Variants in PKP2 observed in about 807,000 individuals in gnomAD.
The protein encoded by PKP2 is plakophilin 2.
A neutral mutation model predicts 83.4 loss-of-function variants in PKP2; 73 were observed. That is an observed-to-expected ratio of 0.88 (90% CI 0.72 to 1.06). The LOEUF is 1.06. PKP2 is among the 50% of genes least tolerant of loss of function. The probability of loss-of-function intolerance (pLI) is 0.00; values close to 1 mark genes in which losing one functional copy is unlikely to be tolerated. For synonymous variants in PKP2, 409 were observed against 430.4 expected, an observed-to-expected ratio of 0.95 and a Z score of 0.62; for missense variants, 966 against 1,065.4, an observed-to-expected ratio of 0.91 and a Z score of 1.30.
At chr12:32,798,307 T>G (rs571784058) in intron 10 of PKP2, among the ~76,000 whole-genome samples, 4 of 151,668 alleles carry the variant, frequency 2.6e-5, no homozygotes, top group Non-Finnish European at 4.4e-5. Flanking sequence ...TTGAGGCTGG[T>G]CTCGAACTCC....
chr12:32,851,136 AT>A (rs1956693636), intron 4 of PKP2, among the ~76,000 whole-genome samples, 163 bp from the exon 5 acceptor site: 1 of 152,258 alleles, frequency 6.6e-6, no homozygotes, highest in East Asian at 1.9e-4. Context: ...TACCCCGGCT[AT>A]AAGGCAGTAT....
Position 32,896,373 on chromosome 12 carries a change from AT to A in PKP2, c.223+135del. The A allele has an allele frequency of 4.8e-6, 3 of 619,272 alleles. No individual in the cohort carries two copies. The South Asian group carries it at 7.0e-5, about 14-fold the overall frequency. The allele number at this position is 619,272 out of a possible 1,614,324, so 38.4% of individuals were successfully genotyped here. A position where few individuals can be genotyped will look rare whatever the true frequency, so the allele number is the denominator to read the frequency against. On this transcript the variant is annotated intron_variant, in intron 1 of 12. Transcript: ENST00000340811. Reference sequence around the variant, plus strand: ...AGTGCTTTCCACAAGCAAGTCGGTCATACCGAAGACGGCGAGCAACAGGTGG... The same window carrying A: ...AGTGCTTTCCACAAGCAAGTCGGTCAACCGAAGACGGCGAGCAACAGGTGG...
intron 4 of PKP2, among the ~76,000 whole-genome samples, chr12:32,867,538 A>G (rs1229548956): frequency 6.6e-6 from 1 of 152,226 alleles, no homozygotes; most frequent in South Asian, 2.1e-4. Context: ...AAATCAACCA[A>G]CAAAACTGAT....
At chr12:32,855,835 C>T (rs530738443) in intron 4 of PKP2, among the ~76,000 whole-genome samples, 2 of 142,630 alleles carry the variant, frequency 1.4e-5, no homozygotes, top group African/African-American at 5.3e-5. Flanking sequence ...TAAACACAGG[C>T]AAAAAGGAAA....
intron 4 of PKP2, among the ~76,000 whole-genome samples, chr12:32,854,214 A>G (rs2137874623): frequency 6.6e-6 from 1 of 152,330 alleles, no homozygotes; most frequent in Non-Finnish European, 1.5e-5. Context: ...GGCATACGGA[A>G]GCCTCCCCAG....
chr12:32,872,618 C>T (rs1956904250), intron 3 of PKP2, among the ~76,000 whole-genome samples: 1 of 152,314 alleles, frequency 6.6e-6, no homozygotes, highest in South Asian at 2.1e-4. Flanking sequence ...ACTAACAACA[C>T]AGCCCTGCCC....
Position 32,878,100 on chromosome 12 carries a change from G to C in PKP2, c.780C>G (p.Asn260Lys). The change falls in exon 3 of 13, where the codon AAC becomes AAG. Residue 260 changes from asparagine (N) to lysine (K), a missense_variant. Asn to Lys is a moderately conservative substitution (Grantham distance 94). Coordinates refer to ENST00000340811, the MANE Select transcript of PKP2 (RefSeq NM_001005242.3). ...RSMGNLLEKE[N>K]YLTAGLTVGQ... ...CGACAGTGAGCCCTGCCGTCAGGTA[G>C]TTCTCCTTCTCCAAGAGGTTGCCCA... 1 of 1,614,250 alleles carries C rather than the reference G, an allele frequency of 6.2e-7. No homozygotes were observed. The highest frequency in any genetic ancestry group is 1.3e-5 in the African/African-American group (1 of 75,078).
chr12:32,869,341 AT>A (rs1488044783), intron 3 of PKP2, among the ~76,000 whole-genome samples: 1 of 152,100 alleles, frequency 6.6e-6, no homozygotes, highest in African/African-American at 2.4e-5. Flanking sequence ...TTAAAAATAA[AT>A]ATGAGGCTGA....
chr12:32,858,132 A>AT (rs1555146139), intron 4 of PKP2, among the ~76,000 whole-genome samples: 13 of 98,312 alleles, frequency 1.3e-4, no homozygotes, highest in African/African-American at 5.5e-4. Context: ...TATATTTTAT[A>AT]TTTATATATA....
At chr12:32,816,130 A>AC (rs1956316569) in intron 9 of PKP2, among the ~76,000 whole-genome samples, 1 of 152,202 alleles carries the variant, frequency 6.6e-6, no homozygotes, top group Non-Finnish European at 1.5e-5. Flanking sequence ...CAGGTTTGTG[A>AC]CACGGGTATA....
intron 6 of PKP2, among the ~76,000 whole-genome samples, chr12:32,831,583 G>A (rs900387572): frequency 1.3e-5 from 2 of 151,852 alleles, no homozygotes; most frequent in Non-Finnish European, 2.9e-5. Context: ...TTGATATAAT[G>A]AGTAAAAATT....
chr12:32,873,980 C>T (rs1314916942), intron 3 of PKP2, among the ~76,000 whole-genome samples: 1 of 152,088 alleles, frequency 6.6e-6, no homozygotes, highest in Non-Finnish European at 1.5e-5. Context: ...AAACCTTTTT[C>T]ATCAGTTTGA....
At chr12:32,797,906 C>T (rs927502483) in intron 10 of PKP2, among the ~76,000 whole-genome samples, 1 of 151,700 alleles carries the variant, frequency 6.6e-6, no homozygotes, top group African/African-American at 2.4e-5. Context: ...TCTGTAATCC[C>T]AGCACTTTAG....
chr12:32,877,922 T>C lies in PKP2; in HGVS notation c.958A>G (p.Thr320Ala), dbSNP rs879225885. The C allele has an allele frequency of 1.2e-6, 2 of 1,614,006 alleles. No homozygotes were observed. Among genetic ancestry groups the C allele is most frequent in the African/African-American group, 2.7e-5 (2 of 74,910 alleles). The change falls in exon 3 of 13, where the codon ACT (threonine) becomes GCT (alanine). Residue 320 changes from threonine (T) to alanine (A), a missense_variant. Thr to Ala is a moderately conservative substitution (Grantham distance 58). Coordinates refer to ENST00000340811, the MANE Select transcript of PKP2 (RefSeq NM_001005242.3). Reference protein sequence around the residue: ...VDSSGRRAHLTVGQAAAGGSG... With the variant: ...VDSSGRRAHLAVGQAAAGGSG... The stretch of plus-strand genomic sequence containing the variant: ...CCCCCTGCGGCCGCCTGGCCGACAG[T>C]CAAGTGCGCTCTCCTCCCGCTGGAA...
In PKP2 at chr12:32,862,762, T is replaced by C. The variant is rs117143664; in HGVS notation, c.1170+6165A>G. Among the ~76,000 whole-genome samples the C allele has an allele frequency of 6.7e-3, 1,025 of 152,114 alleles. 76 individuals are homozygous for C. In the East Asian group the frequency reaches 0.16, roughly 23 times the overall value. On this transcript the variant is annotated intron_variant, in intron 4 of 12. Coordinates refer to ENST00000340811, the MANE Select transcript of PKP2 (RefSeq NM_001005242.3). ...TCAGGAGGACCCAAGTGGATCACTT[T>C]GAGAGGCGGGTGGATCCCTTGAGGT... is the stretch of plus-strand genomic sequence containing the variant.
intron 2 of PKP2, 29 bp from the exon 3 acceptor site, chr12:32,878,572 G>A (rs1344158204): frequency 6.4e-7 from 1 of 1,565,744 alleles, no homozygotes; most frequent in Non-Finnish European, 8.7e-7. Context: ...AAGTTTAAAG[G>A]GGGCATAAAT....
intron 6 of PKP2, among the ~76,000 whole-genome samples, chr12:32,830,381 G>T (rs995514201): frequency 3.3e-5 from 5 of 152,196 alleles, no homozygotes; most frequent in Admixed American, 6.5e-5. Flanking sequence ...CCAAAAGAAG[G>T]CTTGTCTGTT....
chr12:32,857,867 C>T (rs1956762994), intron 4 of PKP2, among the ~76,000 whole-genome samples: 1 of 150,538 alleles, frequency 6.6e-6, no homozygotes, highest in African/African-American at 2.4e-5. Context: ...ACTTGGGAAA[C>T]AGAATAAAAA....
In PKP2 at chr12:32,877,851, C is replaced by T; in HGVS notation, c.1029G>A (p.Gln343=). The T allele has an allele frequency of 6.2e-7, 1 of 1,611,640 alleles. No homozygotes were observed. Among genetic ancestry groups the T allele is most frequent in the Non-Finnish European group, 8.5e-7 (1 of 1,177,782 alleles). ...AGAGTCAGGAGGGGACTTACCCCAG[C>T]TGGGAGTCAGTGAAAGTGCTTCTCT... The part of the protein sequence containing the change: ...LTERSTFTDS[Q]LGNADMEMTL... The change falls in exon 3 of 13, where the codon CAG becomes CAA. Residue 343 remains glutamine, a synonymous_variant. Transcript: ENST00000340811.
Sources: gnomAD v4.1 joint callset for allele counts (sites outside exome capture counted in the v4.1 genomes callset) on GRCh38, gnomAD v4.1.1 for gene constraint, MANE v1.5 for transcripts, NCBI Gene and HGNC (gene_info 2026-07-23, HGNC 2026-07-21) for gene names.